KIAA0232: variants seen among roughly 807,000 people sequenced by gnomAD.
The protein encoded by KIAA0232 is KIAA0232.
KIAA0232 carries 27 observed loss-of-function variants against 122.0 expected under a neutral mutation model. The observed-to-expected ratio is 0.22, with a 90% CI of 0.16 to 0.31. The LOEUF is 0.31. Among genes scored for constraint, KIAA0232 ranks in the 10% least tolerant of loss-of-function variants. KIAA0232 has a pLI of 1.00. For synonymous variants in KIAA0232, 613 were observed against 587.6 expected, an observed-to-expected ratio of 1.04 and a Z score of -0.63; for missense variants, 1,551 against 1,634.2, an observed-to-expected ratio of 0.95 and a Z score of 0.88.
chr4:6,842,353 A>G (rs1719708810), intron 4 of KIAA0232, 149 bp downstream of exon 4: 1 of 777,238 alleles, frequency 1.3e-6, no homozygotes, highest in South Asian at 1.9e-5. Flanking sequence ...CTTTTCCTTT[A>G]TGGTATTTTT....
Position 6,880,920 on chromosome 4 carries a change from G to A in KIAA0232, c.4142G>A (p.Trp1381Ter). 6.3e-7 allele frequency: 1 copy of A among 1,599,686 alleles called. No homozygotes were observed. Among genetic ancestry groups the A allele is most frequent in the Non-Finnish European group, 8.5e-7 (1 of 1,172,084 alleles). ...ACAGGCTCAGAAGGCGGAGGCGAGT[G>A]GGTGGGCCCTAGTGAAGAGGAGCTC... ...EETGSEGGGE[W>*]VGPSEEELFS... The change falls in exon 10 of 10, where the codon TGG (tryptophan) becomes TAG (stop). Residue 1381 changes from tryptophan to a stop codon, truncating the protein, a stop_gained. Coordinates refer to ENST00000307659, the MANE Select transcript of KIAA0232 (RefSeq NM_014743.3). LOFTEE classifies it high-confidence loss of function.
intron 2 of KIAA0232, among the ~76,000 whole-genome samples, chr4:6,811,306 C>T (rs911359747): frequency 6.6e-6 from 1 of 152,090 alleles, no homozygotes; most frequent in Admixed American, 6.6e-5. Context: ...GTGTCTTTTG[C>T]GGCAACGTTG....
chr4:6,879,857 A>G (rs1414517899), intron 9 of KIAA0232, among the ~76,000 whole-genome samples: 4 of 136,506 alleles, frequency 2.9e-5, no homozygotes, highest in Admixed American at 7.2e-5. Context: ...TGTCACTGCA[A>G]ACTCCCTTCC....
intron 3 of KIAA0232, among the ~76,000 whole-genome samples, chr4:6,826,169 T>C (rs1718667996): frequency 6.6e-6 from 1 of 152,176 alleles, no homozygotes; most frequent in Admixed American, 6.6e-5. Flanking sequence ...TGAGAGGGGT[T>C]TCTCATCATG....
chr4:6,853,751 G>T (rs150034263), intron 4 of KIAA0232, among the ~76,000 whole-genome samples: 5 of 152,162 alleles, frequency 3.3e-5, no homozygotes, highest in African/African-American at 7.2e-5. Context: ...TTTACTTTAC[G>T]CTTAATAACT....
In KIAA0232 at chr4:6,861,862, G is replaced by A. The variant is rs756788958; in HGVS notation, c.1480G>A (p.Asp494Asn). The A allele has an allele frequency of 6.2e-7, 1 of 1,613,806 alleles. No homozygotes were observed. Among genetic ancestry groups the A allele is most frequent in the Non-Finnish European group, 8.5e-7 (1 of 1,179,812 alleles). The change falls in exon 7 of 10, where the codon GAC becomes AAC. Residue 494 changes from aspartate (D) to asparagine (N), a missense_variant. Coordinates refer to ENST00000307659, the MANE Select transcript of KIAA0232 (RefSeq NM_014743.3). ...TGTSLCSLPE[D>N]NKYLDDIHLS... ...GACCTCATTATGTTCTCTACCAGAG[G>A]ACAATAAATACCTGGATGATATTCA...
intron 2 of KIAA0232, among the ~76,000 whole-genome samples, chr4:6,811,064 A>G (rs1315190076): frequency 1.3e-5 from 2 of 152,248 alleles, no homozygotes; most frequent in Admixed American, 1.3e-4. Context: ...AACTGAAAAT[A>G]GAATGAGCAT....
chr4:6,852,231 A>G (rs907798633), intron 4 of KIAA0232, among the ~76,000 whole-genome samples: 6 of 152,134 alleles, frequency 3.9e-5, no homozygotes, highest in Non-Finnish European at 8.8e-5. Flanking sequence ...GCTCTCATAC[A>G]GGGGCCTTGG....
intron 3 of KIAA0232, among the ~76,000 whole-genome samples, chr4:6,838,966 T>TA (rs1164266177): frequency 6.6e-6 from 1 of 152,044 alleles, no homozygotes; most frequent in Non-Finnish European, 1.5e-5. Context: ...CCATCTCCAC[T>TA]AAAAATACAG....
At chr4:6,799,388 C>A (rs1174682608) in intron 1 of KIAA0232, among the ~76,000 whole-genome samples, 2 of 150,912 alleles carry the variant, frequency 1.3e-5, no homozygotes, top group Admixed American at 6.6e-5. Context: ...TTGAACATAC[C>A]TTTTTTGGGG....
In KIAA0232 at chr4:6,863,966, A is replaced by G; in HGVS notation, c.3584A>G (p.Gln1195Arg). ...AGTGCTCAGACATCACTGGATTCCC[A>G]GGAGGAATCAACTGGGATTCTTTCA... The part of the protein sequence containing the change: ...EKSAQTSLDS[Q>R]EESTGILSVG... The change falls in exon 7 of 10, where the codon CAG becomes CGG. Residue 1195 changes from glutamine to arginine, a missense_variant. By Grantham distance (43) the Gln-to-Arg change is conservative. Coordinates refer to ENST00000307659, the MANE Select transcript of KIAA0232 (RefSeq NM_014743.3). 6.2e-7 allele frequency: 1 copy of G among 1,614,078 alleles called. No individual in the cohort carries two copies. Among genetic ancestry groups the G allele is most frequent in the Non-Finnish European group, 8.5e-7 (1 of 1,179,952 alleles).
intron 3 of KIAA0232, among the ~76,000 whole-genome samples, chr4:6,840,284 G>C (rs1719575200): frequency 1.3e-5 from 2 of 152,174 alleles, no homozygotes; most frequent in South Asian, 4.1e-4. Context: ...TCCCAGCAAG[G>C]ACCATGAAAT....
chr4:6,785,035 A>G (rs1296178010), intron 1 of KIAA0232, among the ~76,000 whole-genome samples: 1 of 150,104 alleles, frequency 6.7e-6, no homozygotes, highest in African/African-American at 2.5e-5. Flanking sequence ...CCCGCCGGGT[A>G]CAAGCGAGTC....
At chr4:6,842,713 G>A (rs1253861838) in intron 4 of KIAA0232, among the ~76,000 whole-genome samples, 1 of 151,892 alleles carries the variant, frequency 6.6e-6, no homozygotes, top group Non-Finnish European at 1.5e-5. Flanking sequence ...AGCCTCCGGA[G>A]TAGCCAGAAT....
chr4:6,852,887 C>T (rs868785005), intron 4 of KIAA0232, among the ~76,000 whole-genome samples: 1 of 152,324 alleles, frequency 6.6e-6, no homozygotes, highest in Middle Eastern at 3.4e-3. Context: ...AGGAGGGCAT[C>T]TGTCACACTC....
intron 1 of KIAA0232, among the ~76,000 whole-genome samples, chr4:6,792,855 A>G (rs957203529): frequency 1.3e-5 from 2 of 151,762 alleles, no homozygotes; most frequent in African/African-American, 4.8e-5. Context: ...ACGCCCGGCT[A>G]ATGTTTTTGT....
intron 4 of KIAA0232, chr4:6,856,035 C>T (rs1012017088): frequency 6.1e-6 from 1 of 163,216 alleles, no homozygotes; most frequent in South Asian, 2.0e-4. Flanking sequence ...CTATTAAAAC[C>T]TGTGGTATGA....
intron 2 of KIAA0232, among the ~76,000 whole-genome samples, chr4:6,815,656 C>A (rs559359757): frequency 1.2e-4 from 18 of 152,310 alleles, no homozygotes; most frequent in African/African-American, 3.6e-4. Flanking sequence ...GTAGAGTAGT[C>A]TGAAGCTACT....
At position 6,864,196 on chromosome 4, in the gene KIAA0232, G is replaced by A. The variant is rs751038247; in HGVS notation, c.3801+13G>A. ...ACAGCTGGAAGAGGTATGTGTCTGC[G>A]TGTTGGTATTTGACAAAAGGATTTG... On this transcript the variant is annotated intron_variant, in intron 7 of 9. Transcript: ENST00000307659. The A allele has an allele frequency of 6.9e-6, 11 of 1,586,124 alleles. 1 individual carries two copies. Among genetic ancestry groups the A allele is most frequent in the South Asian group, 3.5e-5 (3 of 86,406 alleles).
Sources: allele counts gnomAD v4.1 joint callset (sites outside exome capture counted in the v4.1 genomes callset), GRCh38; gene constraint gnomAD v4.1.1; transcripts MANE v1.5; gene names NCBI Gene and HGNC (gene_info 2026-07-23, HGNC 2026-07-21).